The following LRBA variants were observed in gnomAD, a reference collection of about 807,000 sequenced individuals.
LRBA encodes LPS responsive beige-like anchor protein.
In LRBA, 176 loss-of-function variants were observed where a neutral mutation model predicts 330.0. That is an observed-to-expected ratio of 0.53 (90% CI 0.47 to 0.60). The LOEUF is 0.60. Among genes scored for constraint, LRBA ranks in the 20% least tolerant of loss-of-function variants. LRBA has a pLI of 0.00. For missense variants in LRBA, 3,259 were observed against 3,444.8 expected (o/e 0.95, Z 1.35); for synonymous variants, 1,230 against 1,193.0 (o/e 1.03, Z -0.64).
intron 2 of LRBA, among the ~76,000 whole-genome samples, chr4:150,969,363 A>G (rs1286855098): frequency 3.3e-5 from 5 of 152,236 alleles, no homozygotes; most frequent in African/African-American, 4.8e-5. Context: ...TGCCATGAGG[A>G]ACATTTTTGA....
chr4:150,828,469 G>A lies in LRBA; in HGVS notation c.4882C>T (p.Pro1628Ser). 6.2e-7 allele frequency: 1 copy of A among 1,614,118 alleles called. No individual in the cohort carries two copies. Among genetic ancestry groups the A allele is most frequent in the Non-Finnish European group, 8.5e-7 (1 of 1,180,000 alleles). Reference protein sequence around the residue: ...HVEVTPHTAPPGVSAGPDAIS... With the variant: ...HVEVTPHTAPSGVSAGPDAIS... ...GCATCTGGGCCTGCACTGACACCAG[G>A]AGGTGCTGTGTGAGGAGTTACTTCC... is the stretch of plus-strand genomic sequence containing the variant. Residue 1628 changes from proline to serine, a missense_variant, in exon 30 of 57, where the codon CCT becomes TCT. Transcript: ENST00000651943.
chr4:150,327,266 GA>G (rs1733404038), intron 48 of LRBA, among the ~76,000 whole-genome samples: 1 of 151,938 alleles, frequency 6.6e-6, no homozygotes, highest in African/African-American at 2.4e-5. Flanking sequence ...AAAAAATAAA[GA>G]AAATTGGCTG....
chr4:150,738,567 T>G (rs144224581), intron 35 of LRBA, among the ~76,000 whole-genome samples: 1 of 152,148 alleles, frequency 6.6e-6, no homozygotes, highest in African/African-American at 2.4e-5. Context: ...TGGGTAAATC[T>G]AAAAGTATAC....
At chr4:150,675,120 A>G (rs1364508084) in intron 37 of LRBA, among the ~76,000 whole-genome samples, 1 of 152,076 alleles carries the variant, frequency 6.6e-6, no homozygotes, top group African/African-American at 2.4e-5. Flanking sequence ...GGACTGCTTC[A>G]GCCCAGGAGG....
Position 150,883,907 on chromosome 4 carries a change from A to G in LRBA, c.2165+9145T>C, listed in dbSNP as rs187710733. ...CATACTATAAAAGCAAAATAGGGGG[A>G]ATAATGATGCTAACATGGAAGTCAG... On this transcript the variant is annotated intron_variant, in intron 17 of 56. Coordinates refer to ENST00000651943, the MANE Select transcript of LRBA (RefSeq NM_001364905.1). 3.0e-3 allele frequency among the ~76,000 whole-genome samples: 464 copies of G among 152,340 alleles called. 10 individuals are homozygous for G. The highest frequency in any genetic ancestry group is 0.029 in the Admixed American group (450 of 15,302).
At chr4:150,839,747 T>C (rs963496469) in intron 28 of LRBA, among the ~76,000 whole-genome samples, 1 of 151,924 alleles carries the variant, frequency 6.6e-6, no homozygotes, top group African/African-American at 2.4e-5. Context: ...TGGGGCGGGG[T>C]TAGGGGAGAG....
intron 2 of LRBA, chr4:151,013,852 A>AT (rs1232399456): frequency 6.6e-6 from 1 of 152,624 alleles, no homozygotes; most frequent in Non-Finnish European, 1.5e-5. Flanking sequence ...TTGCCATTCA[A>AT]TTTTCACAAG....
chr4:150,595,328 A>G (rs1398320234), intron 38 of LRBA, among the ~76,000 whole-genome samples: 1 of 151,984 alleles, frequency 6.6e-6, no homozygotes, highest in African/African-American at 2.4e-5. Flanking sequence ...AGAACCTAGT[A>G]TATGTTGATC....
chr4:150,315,671 TA>T, intron 50 of LRBA, 48 bp from the exon 51 acceptor site: 1 of 1,131,218 alleles, frequency 8.8e-7, no homozygotes, highest in Non-Finnish European at 1.3e-6. Context: ...TTTTATATAC[TA>T]AACTACATAA....
At chr4:150,875,761 CA>C (rs1560948684) in intron 17 of LRBA, among the ~76,000 whole-genome samples, 1 of 152,090 alleles carries the variant, frequency 6.6e-6, no homozygotes, top group Admixed American at 6.5e-5. Flanking sequence ...AAAATTATTA[CA>C]AAAGTTACAA....
chr4:150,464,135 TA>T (rs1293928731), intron 44 of LRBA, among the ~76,000 whole-genome samples: 1 of 151,988 alleles, frequency 6.6e-6, no homozygotes, highest in African/African-American at 2.4e-5. Context: ...AAGAGATTTC[TA>T]AAAACTCATC....
intron 34 of LRBA, among the ~76,000 whole-genome samples, chr4:150,780,671 GTA>G (rs1193494948): frequency 2.1e-3 from 20 of 9,624 alleles, no homozygotes; most frequent in Non-Finnish European, 2.2e-3. Flanking sequence ...GTGTGTGTGT[GTA>G]TATATATATA....
At chr4:150,775,805 G>GAAAAAAAAA (rs35161747) in intron 34 of LRBA, among the ~76,000 whole-genome samples, 15 of 59,974 alleles carry the variant, frequency 2.5e-4, no homozygotes, top group East Asian at 9.7e-4. Context: ...AAGAAAGAAT[G>GAAAAAAAAA]AAAAAAAAAA....
intron 44 of LRBA, among the ~76,000 whole-genome samples, chr4:150,454,494 C>CAGA (rs1316828990): frequency 6.6e-6 from 1 of 151,906 alleles, no homozygotes; most frequent in Non-Finnish European, 1.5e-5. Flanking sequence ...AGGTAACACT[C>CAGA]AGATTTTAAA....
intron 2 of LRBA, chr4:150,970,661 G>T (rs1162009063): frequency 6.6e-6 from 1 of 150,868 alleles, no homozygotes; most frequent in Non-Finnish European, 1.5e-5. Context: ...CTACTTTATT[G>T]CAGTGCTCTC....
intron 52 of LRBA, among the ~76,000 whole-genome samples, chr4:150,309,990 T>G (rs1730845227): frequency 6.6e-6 from 1 of 152,186 alleles, no homozygotes; most frequent in Non-Finnish European, 1.5e-5. Flanking sequence ...TCTGTAAGCA[T>G]GAGCTTGGGT....
At chr4:150,966,129 GA>G (rs990274270) in intron 2 of LRBA, among the ~76,000 whole-genome samples, 19 of 152,188 alleles carry the variant, frequency 1.2e-4, no homozygotes, top group African/African-American at 4.3e-4. Flanking sequence ...GGTATTATGT[GA>G]AATTTTGCCC....
intron 36 of LRBA, among the ~76,000 whole-genome samples, chr4:150,712,193 C>A (rs947878439): frequency 4.6e-5 from 7 of 152,172 alleles, no homozygotes; most frequent in African/African-American, 1.7e-4. Context: ...ATAATGCCCA[C>A]CTGGCTCATG....
At chr4:150,982,623 T>C (rs554998320) in intron 2 of LRBA, among the ~76,000 whole-genome samples, 11 of 147,542 alleles carry the variant, frequency 7.5e-5, no homozygotes, top group African/African-American at 9.9e-5. Flanking sequence ...AAAACACCCA[T>C]AGAATAAAAA....
Sources: gnomAD v4.1 joint callset for allele counts (sites outside exome capture counted in the v4.1 genomes callset) on GRCh38, gnomAD v4.1.1 for gene constraint, MANE v1.5 for transcripts, NCBI Gene and HGNC (gene_info 2026-07-23, HGNC 2026-07-21) for gene names.